Variants in MCM6 observed in about 807,000 individuals in gnomAD.
MCM6 encodes the protein DNA replication licensing factor MCM6.
MCM6 carries 46 observed loss-of-function variants against 94.3 expected under a neutral mutation model. The ratio of observed to expected loss-of-function variants is 0.49; its 90% CI spans 0.39 to 0.62. MCM6 has a LOEUF of 0.62. MCM6 is among the 20% of genes least tolerant of loss of function. The pLI, the probability that MCM6 is intolerant of heterozygous loss-of-function variation, is 0.00. For missense variants in MCM6, 865 were observed against 1,017.9 expected (o/e 0.85, Z 2.04); for synonymous variants, 335 against 351.9 (o/e 0.95, Z 0.54).
intron 8 of MCM6, among the ~76,000 whole-genome samples, chr2:135,859,906 C>T (rs184648323): frequency 4.0e-4 from 61 of 151,916 alleles, no homozygotes; most frequent in African/African-American, 1.4e-3. Flanking sequence ...TGGGTTCAAG[C>T]GATTCTCCTG....
intron 11 of MCM6, among the ~76,000 whole-genome samples, chr2:135,855,087 C>T (rs1020560107): frequency 7.2e-5 from 11 of 152,056 alleles, no homozygotes; most frequent in East Asian, 3.9e-4. Context: ...ACCTAGGAGG[C>T]GGAGGTTGCA....
intron 8 of MCM6, among the ~76,000 whole-genome samples, chr2:135,861,366 A>T (rs1679989447): frequency 6.6e-6 from 1 of 152,196 alleles, no homozygotes; most frequent in Non-Finnish European, 1.5e-5. Flanking sequence ...TCTCTGAAAA[A>T]AAAAGGGAAT....
In MCM6 at chr2:135,866,159, G is replaced by C; in HGVS notation, c.900C>G (p.Ala300=). ...TTGGGTTGGTTGGCGCAACACAGCA[G>C]GCAAGAAAGACCAGCCTATAAGAAA... The part of the protein sequence containing the change: ...RDLSYRLVFL[A]CCVAPTNPRF... The change falls in exon 6 of 17, where the codon GCC becomes GCG. Residue 300 remains alanine, a synonymous_variant. Transcript: ENST00000264156. The C allele has an allele frequency of 6.2e-7, 1 of 1,614,146 alleles. No individual in the cohort carries two copies.
chr2:135,856,796 T>C lies in MCM6; in HGVS notation c.1558A>G (p.Ile520Val). ...GACATGATGGGAGCTGACAAATTTA[T>C]ATTCTGTTTCAATGATTTTGATCTG... ...YDRSKSLKQN[I>V]NLSAPIMSRF... Residue 520 changes from isoleucine to valine, a missense_variant, in exon 11 of 17, where the codon ATA becomes GTA. This residue lies in a region of MCM6 where 153 missense variants were observed against 241.5 expected (regional missense o/e 0.63). Coordinates refer to ENST00000264156, the MANE Select transcript of MCM6 (RefSeq NM_005915.6). 6.2e-7 allele frequency: 1 copy of C among 1,614,234 alleles called. No individual in the cohort carries two copies. Among genetic ancestry groups the C allele is most frequent in the Non-Finnish European group, 8.5e-7 (1 of 1,180,032 alleles).
intron 13 of MCM6, 77 bp from the exon 14 acceptor site, chr2:135,848,265 T>C: frequency 9.1e-7 from 1 of 1,095,246 alleles, no homozygotes; most frequent in South Asian, 1.4e-5. Context: ...GAAATCACAG[T>C]AGTATGTATT....
intron 11 of MCM6, among the ~76,000 whole-genome samples, chr2:135,854,162 G>T (rs1023855706): frequency 1.3e-5 from 2 of 152,166 alleles, no homozygotes; most frequent in African/African-American, 4.8e-5. Context: ...AGGAGGCAGA[G>T]GTTGCAGTGA....
chr2:135,845,947 C>A (rs1679662636), intron 15 of MCM6, among the ~76,000 whole-genome samples: 1 of 152,206 alleles, frequency 6.6e-6, no homozygotes, highest in Non-Finnish European at 1.5e-5. Flanking sequence ...TTTGTAAAAA[C>A]ATTTGTATGT....
chr2:135,875,331 T>C (rs980801147), intron 1 of MCM6, among the ~76,000 whole-genome samples: 2 of 151,684 alleles, frequency 1.3e-5, no homozygotes, highest in African/African-American at 4.8e-5. Context: ...GACACTGCAC[T>C]CCGGCCTGGG....
At chr2:135,857,179 C>G (rs577491226) in intron 10 of MCM6, among the ~76,000 whole-genome samples, 1 of 152,054 alleles carries the variant, frequency 6.6e-6, no homozygotes, top group Non-Finnish European at 1.5e-5. Flanking sequence ...AAATGTCACT[C>G]AACAGGAGTC....
In MCM6 at chr2:135,857,962, C is replaced by G; in HGVS notation, c.1405G>C (p.Asp469His). The change falls in exon 10 of 17, where the codon GAT becomes CAT. Residue 469 changes from aspartate to histidine, a missense_variant. Around this residue, in one of 3 missense-constraint regions of MCM6, gnomAD observed 153 missense variants for 241.5 expected, o/e 0.63. Transcript: ENST00000264156. ...ATAGCTTCATGAATAGCAACTTGAT[C>G]CCGCACGTCCATCTTATCAAATTCA... ...IDEFDKMDVR[D>H]QVAIHEAMEQ... 6.2e-7 allele frequency: 1 copy of G among 1,613,970 alleles called. No homozygotes were observed. The highest frequency in any genetic ancestry group is 8.5e-7 in the Non-Finnish European group (1 of 1,180,034).
chr2:135,840,281 C>T lies in MCM6; in HGVS notation c.*554G>A, dbSNP rs1679545850. 1 of 151,340 alleles carries T rather than the reference C, an allele frequency of 6.6e-6. No individual in the cohort carries two copies. The highest frequency in any genetic ancestry group is 2.4e-5 in the African/African-American group (1 of 41,144). The allele number at this position is 151,340 out of a possible 1,614,324, so 9.4% of individuals were successfully genotyped here. On this transcript the variant is annotated 3_prime_UTR_variant, in exon 17 of 17. Coordinates refer to ENST00000264156, the MANE Select transcript of MCM6 (RefSeq NM_005915.6). Reference sequence around the variant, plus strand: ...GGAAAGTCATCTCTAAGGCCTCTAGCTTTCATATGAGTTCTCTAATGACTC... The same window carrying T: ...GGAAAGTCATCTCTAAGGCCTCTAGTTTTCATATGAGTTCTCTAATGACTC...
intron 11 of MCM6, among the ~76,000 whole-genome samples, chr2:135,853,565 G>C (rs529065269): frequency 6.6e-6 from 1 of 152,240 alleles, no homozygotes; most frequent in East Asian, 1.9e-4. Flanking sequence ...AATTTTATTA[G>C]GTAAATGATA....
intron 12 of MCM6, among the ~76,000 whole-genome samples, chr2:135,852,542 T>C (rs545911501): frequency 6.6e-6 from 1 of 152,300 alleles, no homozygotes; most frequent in East Asian, 1.9e-4. Flanking sequence ...TCCAAAACTC[T>C]TCTCCCATAC....
At position 135,857,922 on chromosome 2, in the gene MCM6, A is replaced by G. The variant is rs1295425884; in HGVS notation, c.1445T>C (p.Ile482Thr). The G allele has an allele frequency of 2.5e-6, 4 of 1,613,904 alleles. No individual in the cohort carries two copies. In the African/African-American group the frequency reaches 4.0e-5, roughly 16 times the overall value. ...CTTCACTCCTGCTTTAGTGATGGAT[A>G]TGGTCTGCTGTTCCATAGCTTCATG... ...AIHEAMEQQTISITKAGVKAT... is the reference protein window; with the variant it reads ...AIHEAMEQQTTSITKAGVKAT... The change falls in exon 10 of 17, where the codon ATA (isoleucine) becomes ACA (threonine). Residue 482 changes from isoleucine (I) to threonine (T), a missense_variant. Physicochemically the swap from Ile to Thr is moderately conservative, Grantham distance 89. Around this residue, in one of 3 missense-constraint regions of MCM6, gnomAD observed 153 missense variants for 241.5 expected, o/e 0.63. Coordinates refer to ENST00000264156, the MANE Select transcript of MCM6 (RefSeq NM_005915.6).
rs1390702121 is a variant in MCM6, at chr2:135,843,743, A to C, written c.2349+802T>G. Reference sequence around the variant, plus strand: ...GAAACTCTGTCTCAAAAAAAAAAAAAAAAAACAAAACCATTCAGGGAAAGA... The same window carrying C: ...GAAACTCTGTCTCAAAAAAAAAAAACAAAAACAAAACCATTCAGGGAAAGA... On this transcript the variant is annotated intron_variant, in intron 16 of 16. Coordinates refer to ENST00000264156, the MANE Select transcript of MCM6 (RefSeq NM_005915.6). Among the ~76,000 whole-genome samples, 5 of 151,890 alleles carry C rather than the reference A, an allele frequency of 3.3e-5. No homozygotes were observed. In the East Asian group the frequency reaches 7.8e-4, roughly 24 times the overall value.
chr2:135,854,496 C>T (rs1280650824), intron 11 of MCM6, among the ~76,000 whole-genome samples: 1 of 130,132 alleles, frequency 7.7e-6, no homozygotes, highest in African/African-American at 2.9e-5. Context: ...CAGCACTGCA[C>T]TCCAGCCTGG....
chr2:135,861,818 G>T (rs972428974), intron 8 of MCM6, among the ~76,000 whole-genome samples: 3 of 152,066 alleles, frequency 2.0e-5, no homozygotes, highest in Admixed American at 2.0e-4. Context: ...GGGTTTCACC[G>T]TGTTAGCCAG....
chr2:135,845,745 T>G (rs1679659258), intron 15 of MCM6, among the ~76,000 whole-genome samples: 1 of 152,202 alleles, frequency 6.6e-6, no homozygotes, highest in South Asian at 2.1e-4. Context: ...GTAAAGCAGT[T>G]AAGGGTAGGA....
chr2:135,840,011 T>C lies in MCM6; in HGVS notation c.*824A>G, dbSNP rs539223869. On this transcript the variant is annotated 3_prime_UTR_variant, in exon 17 of 17. Coordinates refer to ENST00000264156, the MANE Select transcript of MCM6 (RefSeq NM_005915.6). ...CTCCACCTCATGAACATACTGATCA[T>C]AGCTAAGTCTCAGGAACTGTTAGTA... 1 of 152,304 alleles carries C rather than the reference T, an allele frequency of 6.6e-6. No individual in the cohort carries two copies. The highest frequency in any genetic ancestry group is 6.5e-5 in the Admixed American group (1 of 15,298). 9.4% of individuals were successfully genotyped at this position (152,304 alleles called of 1,614,324 possible).
Sources: allele counts gnomAD v4.1 joint callset (sites outside exome capture counted in the v4.1 genomes callset), GRCh38; gene constraint gnomAD v4.1.1; regional missense constraint gnomAD v4.1.1; transcripts MANE v1.5; gene names NCBI Gene and HGNC (gene_info 2026-07-23, HGNC 2026-07-21).